The following TMA16 variants were observed in gnomAD, a reference collection of about 807,000 sequenced individuals.
The protein encoded by TMA16 is translation machinery associated 16 homolog, also known as translation machinery-associated protein 16.
A neutral mutation model predicts 27.1 loss-of-function variants in TMA16; 26 were observed. The observed-to-expected ratio is 0.96, with a 90% CI of 0.70 to 1.33. The LOEUF (loss-of-function observed/expected upper bound fraction) is 1.33, where lower values mean the gene tolerates loss of function less well. Ranked by LOEUF, TMA16 falls within the 40% of genes most tolerant of loss-of-function variation. The probability of loss-of-function intolerance (pLI) is 0.00; values close to 1 mark genes in which losing one functional copy is unlikely to be tolerated. For missense variants in TMA16, 233 were observed against 241.4 expected, an observed-to-expected ratio of 0.97 and a Z score of 0.23; for synonymous variants, 71 against 81.9, an observed-to-expected ratio of 0.87 and a Z score of 0.72.
At chr4:163,517,634 G>A in intron 6 of TMA16, 158 bp downstream of exon 6, 1 of 587,350 alleles carries the variant, frequency 1.7e-6, no homozygotes. Context: ...TCTGAAGTTG[G>A]GCGTACAAAC....
chr4:163,509,186 C>T (rs1027155852), intron 2 of TMA16, among the ~76,000 whole-genome samples: 2 of 152,150 alleles, frequency 1.3e-5, no homozygotes, highest in Non-Finnish European at 1.5e-5. Context: ...TCAGTAACCA[C>T]GAGTCATACT....
At chr4:163,500,449 A>G (rs1737633477) in intron 1 of TMA16, among the ~76,000 whole-genome samples, 1 of 152,110 alleles carries the variant, frequency 6.6e-6, no homozygotes, top group African/African-American at 2.4e-5. Context: ...GACCTCAAGC[A>G]GTCTGCCTGC....
rs1737950601 is a variant in TMA16, at chr4:163,520,180, C to T, written c.*666C>T. The T allele has an allele frequency of 3.1e-6, 1 of 321,394 alleles. No individual in the cohort carries two copies. Among genetic ancestry groups the T allele is most frequent in the Non-Finnish European group, 5.6e-6 (1 of 178,604 alleles). The allele number at this position is 321,394 out of a possible 1,614,324, so 19.9% of individuals were successfully genotyped here. ...CCTTTTGATTGTATATTATTTTTTG[C>T]TTTTTTATTGTGAAAAGAGGTAGGT... On this transcript the variant is annotated 3_prime_UTR_variant, in exon 7 of 7. Transcript: ENST00000358572.
intron 1 of TMA16, among the ~76,000 whole-genome samples, chr4:163,496,638 C>T (rs1040242943): frequency 1.3e-5 from 2 of 151,814 alleles, no homozygotes; most frequent in Non-Finnish European, 2.9e-5. Context: ...GCTCTTGTTG[C>T]CCAGGGTGGA....
Position 163,517,456 on chromosome 4 carries a change from AAG to A in TMA16, c.412_413del (p.Ser138Ter), listed in dbSNP as rs1560917138. ...GLEIPDILNA[S>X]NLKTFREWDF... ...CAGAGATTCCAGACATTCTAAATGC[AAG>A]TAATCTGAAAACATTTAGGTGAGTC... On this transcript the variant is annotated frameshift_variant, in exon 6 of 7. Coordinates refer to ENST00000358572, the MANE Select transcript of TMA16 (RefSeq NM_018352.3). LOFTEE classifies it high-confidence loss of function. 6.2e-7 allele frequency: 1 copy of A among 1,613,600 alleles called. No homozygotes were observed. Among genetic ancestry groups the A allele is most frequent in the Non-Finnish European group, 8.5e-7 (1 of 1,179,772 alleles).
intron 1 of TMA16, among the ~76,000 whole-genome samples, chr4:163,505,468 G>A (rs1253306233): frequency 6.6e-6 from 1 of 152,182 alleles, no homozygotes; most frequent in South Asian, 2.1e-4. Flanking sequence ...GGAATTTGTG[G>A]TTATTTTAAA....
At chr4:163,503,671 G>A (rs1579015368) in intron 1 of TMA16, among the ~76,000 whole-genome samples, 1 of 151,844 alleles carries the variant, frequency 6.6e-6, no homozygotes, top group African/African-American at 2.4e-5. Context: ...TACTTTTAAT[G>A]CAGGTTTTCT....
At position 163,494,716 on chromosome 4, in the gene TMA16, T is replaced by A. The variant is rs547677760; in HGVS notation, c.-86T>A. On this transcript the variant is annotated 5_prime_UTR_variant, in exon 1 of 7. Coordinates refer to ENST00000358572, the MANE Select transcript of TMA16 (RefSeq NM_018352.3). ...GGCGCCACGTGGGATTCGGCCCGGGTGCTCTTGTGAGCTGCTGCTCCTGCG... is the reference window on the plus strand; with the variant it reads ...GGCGCCACGTGGGATTCGGCCCGGGAGCTCTTGTGAGCTGCTGCTCCTGCG... The A allele has an allele frequency of 1.3e-6, 2 of 1,592,240 alleles. No homozygotes were observed. Among genetic ancestry groups the A allele is most frequent in the African/African-American group, 2.7e-5 (2 of 74,588 alleles).
At chr4:163,512,906 T>G (rs1356849443) in intron 3 of TMA16, 47 bp downstream of exon 3, 2 of 1,413,392 alleles carry the variant, frequency 1.4e-6, no homozygotes, top group South Asian at 1.3e-5. Flanking sequence ...TATAGGGCAT[T>G]TCTGCCCTAT....
chr4:163,512,877 T>C lies in TMA16; in HGVS notation c.154+18T>C. Reference sequence around the variant, plus strand: ...CCTTGTTGGTAAGTGGGTTTACTTATTTGAAACTCTGGCTAGAGTATAGGG... The same window carrying C: ...CCTTGTTGGTAAGTGGGTTTACTTACTTGAAACTCTGGCTAGAGTATAGGG... On this transcript the variant is annotated intron_variant, in intron 3 of 6. Coordinates refer to ENST00000358572, the MANE Select transcript of TMA16 (RefSeq NM_018352.3). 1.2e-6 allele frequency: 2 copies of C among 1,600,618 alleles called. No individual in the cohort carries two copies.
At chr4:163,517,115 G>A (rs139439203) in intron 5 of TMA16, 7 of 258,032 alleles carry the variant, frequency 2.7e-5, no homozygotes, top group African/African-American at 1.4e-4. Context: ...TGTTAGCCAG[G>A]ATGGTCTTGA....
Position 163,519,680 on chromosome 4 carries a change from G to A in TMA16, c.*166G>A, listed in dbSNP as rs552690414. ...GGTGTTATGATACTTATTTTAAAATGAAGATTGCTTTTCATTTCCATTAAG... is the reference window on the plus strand; with the variant it reads ...GGTGTTATGATACTTATTTTAAAATAAAGATTGCTTTTCATTTCCATTAAG... On this transcript the variant is annotated 3_prime_UTR_variant, in exon 7 of 7. Transcript: ENST00000358572. 4.4e-6 allele frequency: 3 copies of A among 685,378 alleles called. No individual in the cohort carries two copies. The highest frequency in any genetic ancestry group is 6.9e-6 in the Non-Finnish European group (3 of 433,178). 42.5% of individuals were successfully genotyped at this position (685,378 alleles called of 1,614,324 possible).
intron 5 of TMA16, chr4:163,515,754 A>G (rs1053385404): frequency 5.9e-5 from 13 of 221,174 alleles, no homozygotes; most frequent in African/African-American, 9.2e-5. Context: ...CAGAACTCCA[A>G]ATTTGCAGTA....
chr4:163,500,969 G>A (rs923574940), intron 1 of TMA16, among the ~76,000 whole-genome samples: 3 of 152,178 alleles, frequency 2.0e-5, no homozygotes, highest in African/African-American at 7.2e-5. Flanking sequence ...GTGTGACCTG[G>A]CAAAAGTTTT....
intron 2 of TMA16, chr4:163,512,323 A>C (rs1352902880): frequency 1.3e-5 from 2 of 152,328 alleles, no homozygotes; most frequent in Non-Finnish European, 2.9e-5. Flanking sequence ...AATAGGAGGC[A>C]TGTGTTACCT....
intron 6 of TMA16, 39 bp from the exon 7 acceptor site, chr4:163,519,295 C>T: frequency 1.3e-6 from 2 of 1,505,034 alleles, no homozygotes; most frequent in Admixed American, 2.5e-5. Flanking sequence ...TAACTCTTAC[C>T]AACACTCTGC....
chr4:163,500,770 A>T (rs1206385603), intron 1 of TMA16, among the ~76,000 whole-genome samples: 4 of 152,182 alleles, frequency 2.6e-5, no homozygotes, highest in African/African-American at 9.7e-5. Flanking sequence ...TTTAGGTAGA[A>T]ATACAGTAAA....
At chr4:163,502,099 G>A (rs181708441) in intron 1 of TMA16, among the ~76,000 whole-genome samples, 2 of 152,284 alleles carry the variant, frequency 1.3e-5, no homozygotes. Context: ...GGTGTAAAGA[G>A]TGGCAGTAGA....
chr4:163,517,863 A>G (rs1737907880), intron 6 of TMA16, among the ~76,000 whole-genome samples: 1 of 152,176 alleles, frequency 6.6e-6, no homozygotes, highest in Non-Finnish European at 1.5e-5. Context: ...GGTTATAGGA[A>G]TGACTCCAGG....
Sources: gnomAD v4.1 joint callset for allele counts (sites outside exome capture counted in the v4.1 genomes callset) on GRCh38, gnomAD v4.1.1 for gene constraint, MANE v1.5 for transcripts, NCBI Gene and HGNC (gene_info 2026-07-23, HGNC 2026-07-21) for gene names.